EGFLAM: variants seen among roughly 807,000 people sequenced by gnomAD.
The protein encoded by EGFLAM is EGF like, fibronectin type III and laminin G domains.
A neutral mutation model predicts 113.1 loss-of-function variants in EGFLAM; 79 were observed. That is an observed-to-expected ratio of 0.70 (90% CI 0.58 to 0.84). The LOEUF is 0.84. Ranked by LOEUF, EGFLAM falls within the 40% of genes least tolerant of loss-of-function variation. The pLI is 0.00. For synonymous variants in EGFLAM, 504 were observed against 487.6 expected (o/e 1.03, Z -0.44); for missense variants, 1,265 against 1,291.6 (o/e 0.98, Z 0.32).
In EGFLAM at chr5:38,374,799, G is replaced by A. The variant is rs118185519; in HGVS notation, c.712+4337G>A. 1.1e-3 allele frequency among the ~76,000 whole-genome samples: 171 copies of A among 152,288 alleles called. 2 individuals carry two copies. In the East Asian group the frequency reaches 0.027, roughly 24 times the overall value. ...CTGAATTCCTTCCCAAGGTTAGTTCGGCCTACGCCCAGGAATGAATAAAGA... is the reference window on the plus strand; with the variant it reads ...CTGAATTCCTTCCCAAGGTTAGTTCAGCCTACGCCCAGGAATGAATAAAGA... On this transcript the variant is annotated intron_variant, in intron 6 of 21. Coordinates refer to ENST00000322350, the MANE Select transcript of EGFLAM (RefSeq NM_152403.4).
At position 38,465,437 on chromosome 5, in the gene EGFLAM, G is replaced by A. The variant is rs144295417; in HGVS notation, c.*1451G>A. ...GGGTTTGTGCAAGGCACAGTTTTAA[G>A]CACATAATGTAATTCTAAAAGATGA... On this transcript the variant is annotated 3_prime_UTR_variant, in exon 22 of 22. Transcript: ENST00000322350. 6.6e-6 allele frequency among the ~76,000 whole-genome samples: 1 copy of A among 152,328 alleles called. No individual in the cohort carries two copies. The highest frequency in any genetic ancestry group is 1.9e-4 in the East Asian group (1 of 5,182).
chr5:38,419,309 C>T (rs1274415562), intron 12 of EGFLAM, among the ~76,000 whole-genome samples: 1 of 152,166 alleles, frequency 6.6e-6, no homozygotes, highest in Non-Finnish European at 1.5e-5. Flanking sequence ...TCTATGATAT[C>T]AGGACTCTGG....
intron 1 of EGFLAM, among the ~76,000 whole-genome samples, chr5:38,290,392 A>C (rs1758293407): frequency 6.6e-6 from 1 of 152,208 alleles, no homozygotes; most frequent in South Asian, 2.1e-4. Flanking sequence ...CCATAAGCAG[A>C]GGCGAGGAAG....
chr5:38,425,593 G>T (rs918338759), intron 13 of EGFLAM, among the ~76,000 whole-genome samples: 3 of 152,180 alleles, frequency 2.0e-5, no homozygotes, highest in African/African-American at 7.2e-5. Flanking sequence ...GCCAAAATTT[G>T]TTTGGTAATG....
In EGFLAM at chr5:38,425,086, G is replaced by A. The variant is rs1346489976; in HGVS notation, c.1804G>A (p.Glu602Lys). The part of the protein sequence containing the change: ...CPLGFKGRHC[E>K]DAFTLTIPQF... The stretch of plus-strand genomic sequence containing the variant: ...CCTTGGGTTTAAAGGTCGACACTGT[G>A]AAGATGGTGAGAAAGAAGCAAGTTG... Residue 602 changes from glutamate (E) to lysine (K), a missense_variant, in exon 13 of 22, where the codon GAA becomes AAA. By Grantham distance (56) the Glu-to-Lys change is moderately conservative (BLOSUM62 1). Transcript: ENST00000322350. 6.8e-6 allele frequency: 11 copies of A among 1,613,194 alleles called. No individual in the cohort carries two copies. The highest frequency in any genetic ancestry group is 2.7e-5 in the African/African-American group (2 of 74,894).
At chr5:38,299,680 A>T (rs960220180) in intron 1 of EGFLAM, among the ~76,000 whole-genome samples, 3 of 151,996 alleles carry the variant, frequency 2.0e-5, no homozygotes, top group Admixed American at 6.6e-5. Flanking sequence ...AGGTCATCTC[A>T]CTCTGAGTTC....
intron 1 of EGFLAM, chr5:38,282,463 G>T (rs13436692): frequency 0.17 from 26,214 of 152,124 alleles, 2,960 homozygotes; most frequent in African/African-American, 0.31. Flanking sequence ...CTTGGGTATC[G>T]TTATCAATGC....
chr5:38,453,729 G>A (rs942135972), intron 19 of EGFLAM, among the ~76,000 whole-genome samples: 3 of 152,070 alleles, frequency 2.0e-5, no homozygotes, highest in Admixed American at 2.0e-4. Flanking sequence ...CCTCATCAAG[G>A]CCTCAAGTAC....
chr5:38,259,304 G>C (rs1294144386), intron 1 of EGFLAM, among the ~76,000 whole-genome samples: 1 of 152,200 alleles, frequency 6.6e-6, no homozygotes, highest in Non-Finnish European at 1.5e-5. Flanking sequence ...CTCGGGTCCT[G>C]CCCACGCGTT....
intron 6 of EGFLAM, among the ~76,000 whole-genome samples, chr5:38,394,770 A>G (rs1229376281): frequency 1.6e-5 from 2 of 128,930 alleles, no homozygotes; most frequent in Non-Finnish European, 3.2e-5. Flanking sequence ...CAGATTTACC[A>G]CTTTCTGTGC....
chr5:38,337,488 C>G (rs763958349), intron 1 of EGFLAM, 32 bp from the exon 2 acceptor site: 1 of 1,550,868 alleles, frequency 6.4e-7, no homozygotes, highest in Non-Finnish European at 8.8e-7. Context: ...ATGTGTGGAG[C>G]CTCTAACACA....
chr5:38,451,592 A>G, intron 19 of EGFLAM, 134 bp downstream of exon 19: 1 of 1,290,078 alleles, frequency 7.8e-7, no homozygotes, highest in South Asian at 1.5e-5. Flanking sequence ...TTCAAGGCTT[A>G]TTGGAAGCTC....
chr5:38,293,642 G>T (rs1758389977), intron 1 of EGFLAM, among the ~76,000 whole-genome samples: 2 of 152,076 alleles, frequency 1.3e-5, no homozygotes, highest in African/African-American at 2.4e-5. Context: ...TGGAGTTGCA[G>T]GTTTTATAGG....
At position 38,332,024 on chromosome 5, in the gene EGFLAM, C is replaced by A. The variant is rs564243665; in HGVS notation, c.98-5496C>A. ...CAAACTGCCTTCCAAAGGGGCTGTACCATTTTGCATTCCCACCAGTGATGA... is the reference window on the plus strand; with the variant it reads ...CAAACTGCCTTCCAAAGGGGCTGTAACATTTTGCATTCCCACCAGTGATGA... On this transcript the variant is annotated intron_variant, in intron 1 of 21. Coordinates refer to ENST00000322350, the MANE Select transcript of EGFLAM (RefSeq NM_152403.4). Among the ~76,000 whole-genome samples, 14 of 152,218 alleles carry A rather than the reference C, an allele frequency of 9.2e-5. No individual in the cohort carries two copies. In the East Asian group the frequency reaches 2.5e-3, roughly 27 times the overall value.
intron 1 of EGFLAM, among the ~76,000 whole-genome samples, chr5:38,318,594 A>G (rs1579766068): frequency 6.6e-6 from 1 of 151,608 alleles, no homozygotes; most frequent in Non-Finnish European, 1.5e-5. Flanking sequence ...AATCCCTTCC[A>G]CCTCCCAGGT....
chr5:38,382,992 A>C (rs965977714), intron 6 of EGFLAM, among the ~76,000 whole-genome samples: 18 of 152,330 alleles, frequency 1.2e-4, no homozygotes, highest in African/African-American at 3.8e-4. Flanking sequence ...CTCAGGAGGA[A>C]GTATCAACAG....
At chr5:38,381,084 A>C (rs1320099649) in intron 6 of EGFLAM, among the ~76,000 whole-genome samples, 3 of 152,202 alleles carry the variant, frequency 2.0e-5, no homozygotes, top group African/African-American at 7.2e-5. Context: ...GGTGATATCC[A>C]CATACATATC....
Position 38,409,006 on chromosome 5 carries a change from G to T in EGFLAM, c.1251G>T (p.Ala417=). ...GGCTTTTGTTTGTATAATCACAGGCGGAGGCAGAGGATGGCTTACTGCTCT... is the reference window on the plus strand; with the variant it reads ...GGCTTTTGTTTGTATAATCACAGGCTGAGGCAGAGGATGGCTTACTGCTCT... ...QAFQITLEFR[A]EAEDGLLLYC... The change falls in exon 10 of 22, where the codon GCG becomes GCT. Residue 417 remains alanine (A), a splice_region_variant and synonymous_variant. Coordinates refer to ENST00000322350, the MANE Select transcript of EGFLAM (RefSeq NM_152403.4). 6.3e-7 allele frequency: 1 copy of T among 1,585,432 alleles called. No homozygotes were observed. The highest frequency in any genetic ancestry group is 8.6e-7 in the Non-Finnish European group (1 of 1,164,230).
At chr5:38,295,552 C>T (rs949062375) in intron 1 of EGFLAM, among the ~76,000 whole-genome samples, 2 of 152,160 alleles carry the variant, frequency 1.3e-5, no homozygotes, top group African/African-American at 4.8e-5. Context: ...TATTTTACTA[C>T]ATGGGAAAGT....
Sources: allele counts gnomAD v4.1 joint callset (sites outside exome capture counted in the v4.1 genomes callset), GRCh38; gene constraint gnomAD v4.1.1; transcripts MANE v1.5; gene names NCBI Gene and HGNC (gene_info 2026-07-23, HGNC 2026-07-21).